Variants in SGO1 observed in about 807,000 individuals in gnomAD.
The protein encoded by SGO1 is serologically defined breast cancer antigen NY-BR-85.
Under a neutral mutation model 50.5 loss-of-function variants are expected in SGO1, and 39 were observed. The ratio of observed to expected loss-of-function variants is 0.77; its 90% CI spans 0.60 to 1.01. The LOEUF is 1.01. SGO1 is among the 50% of genes least tolerant of loss of function. The probability of loss-of-function intolerance (pLI) is 0.00; values close to 1 mark genes in which losing one functional copy is unlikely to be tolerated. For synonymous variants in SGO1, 191 were observed against 205.1 expected (o/e 0.93, Z 0.59); for missense variants, 638 against 606.0 (o/e 1.05, Z -0.55).
rs762927906 is a variant in SGO1 at position 20,174,457 on chromosome 3, T to G, written c.1074A>C (p.Arg358Ser). The G allele has an allele frequency of 3.1e-6, 5 of 1,614,172 alleles. No individual in the cohort carries two copies. Among genetic ancestry groups the G allele is most frequent in the Non-Finnish European group, 4.2e-6 (5 of 1,180,018 alleles). Residue 358 changes from arginine (R) to serine (S), a missense_variant, in exon 6 of 8, where the codon AGA becomes AGC. Arg to Ser is a moderately radical substitution (Grantham distance 110, BLOSUM62 -1). Coordinates refer to ENST00000412997, the MANE Select transcript of SGO1 (RefSeq NM_001199251.3). Reference sequence around the variant, plus strand: ...TCACTTCAGACTCGTTGTTTTCTTCTCTATTAGAGTCATTGCTCACTTTTT... The same window carrying G: ...TCACTTCAGACTCGTTGTTTTCTTCGCTATTAGAGTCATTGCTCACTTTTT... Reference protein sequence around the residue: ...FRQKVSNDSNREENNESEVSL... With the variant: ...FRQKVSNDSNSEENNESEVSL...
chr3:20,184,011 C>T lies in SGO1; in HGVS notation c.17G>A (p.Cys6Tyr). 1 of 1,582,590 alleles carries T rather than the reference C, an allele frequency of 6.3e-7. No individual in the cohort carries two copies. The highest frequency in any genetic ancestry group is 2.3e-5 in the East Asian group (1 of 44,278). ...ACTATCTTGAAAGGACTTTTTCAGG[C>T]ATCTTTCCTTGGCCATCTTTTGCCT... is the stretch of plus-strand genomic sequence containing the variant. MAKER[C>Y]LKKSFQDSLE... The change falls in exon 2 of 8, where the codon TGC becomes TAC. Residue 6 changes from cysteine (C) to tyrosine (Y), a missense_variant. By Grantham distance (194) the Cys-to-Tyr change is radical (BLOSUM62 -2). Transcript: ENST00000412997.
downstream of SGO1, among the ~76,000 whole-genome samples, chr3:20,167,397 TA>T (rs1451492847): frequency 6.6e-6 from 1 of 151,902 alleles, no homozygotes; most frequent in African/African-American, 2.4e-5. Context: ...AAGCAAGGTA[TA>T]AAAAAGGGCA....
Position 20,169,983 on chromosome 3 carries a change from A to G in SGO1, c.*721T>C, listed in dbSNP as rs1700549243. On this transcript the variant is annotated 3_prime_UTR_variant, in exon 8 of 8. Transcript: ENST00000412997. Reference sequence around the variant, plus strand: ...CTCAAATATTGTACTAAAGAGTTTCAAAAGATCCTCTTAGAAAATCATTCA... The same window carrying G: ...CTCAAATATTGTACTAAAGAGTTTCGAAAGATCCTCTTAGAAAATCATTCA... The G allele has an allele frequency of 1.0e-6, 1 of 984,622 alleles. No individual in the cohort carries two copies. The allele number at this position is 984,622 out of a possible 1,614,324, so 61.0% of individuals were successfully genotyped here.
At chr3:20,166,251 G>A (rs1031327754), downstream of SGO1, among the ~76,000 whole-genome samples, 1 of 152,014 alleles carries the variant, frequency 6.6e-6, no homozygotes, top group African/African-American at 2.4e-5. Context: ...TCTGATAAGG[G>A]ACTAATATCT....
At position 20,170,503 on chromosome 3, in the gene SGO1, A is replaced by G; in HGVS notation, c.*201T>C. On this transcript the variant is annotated 3_prime_UTR_variant, in exon 8 of 8. Coordinates refer to ENST00000412997, the MANE Select transcript of SGO1 (RefSeq NM_001199251.3). ...AGCTCAGTTATTTATATTCAAAAGA[A>G]AAAATAAATTAAATTTATTAAAGTT... 2 of 1,156,794 alleles carry G rather than the reference A, an allele frequency of 1.7e-6. No individual in the cohort carries two copies. Among genetic ancestry groups the G allele is most frequent in the Non-Finnish European group, 2.1e-6 (2 of 940,724 alleles). The allele number at this position is 1,156,794 out of a possible 1,614,324, so 71.7% of individuals were successfully genotyped here.
At chr3:20,183,030 A>G (rs1265512211) in intron 3 of SGO1, among the ~76,000 whole-genome samples, 1 of 152,078 alleles carries the variant, frequency 6.6e-6, no homozygotes, top group African/African-American at 2.4e-5. Context: ...AAAAAAAAAA[A>G]TATTTGAGCA....
In SGO1 at chr3:20,174,574, A is replaced by G; in HGVS notation, c.957T>C (p.Thr319=). ...ATTTGTGCATTTTTTTTTGGGGAAC[A>G]GTTTTTTTATTTTCGCTTTTATTCT... The part of the protein sequence containing the change: ...YKENKSENKK[T]VPQKKMHKSV... The change falls in exon 6 of 8, where the codon ACT becomes ACC. Residue 319 remains threonine (T), a synonymous_variant. Coordinates refer to ENST00000412997, the MANE Select transcript of SGO1 (RefSeq NM_001199251.3). 1.2e-6 allele frequency: 2 copies of G among 1,603,736 alleles called. No individual in the cohort carries two copies. Among genetic ancestry groups the G allele is most frequent in the Non-Finnish European group, 1.7e-6 (2 of 1,177,318 alleles).
At chr3:20,164,824 T>C (rs951203854), downstream of SGO1, among the ~76,000 whole-genome samples, 2 of 152,094 alleles carry the variant, frequency 1.3e-5, no homozygotes, top group African/African-American at 4.8e-5. Flanking sequence ...GAATATGAAA[T>C]GCTAAGGGAC....
downstream of SGO1, among the ~76,000 whole-genome samples, chr3:20,167,328 A>G (rs1282650159): frequency 2.0e-5 from 3 of 152,230 alleles, no homozygotes; most frequent in East Asian, 5.8e-4. Flanking sequence ...CAAAATCTTA[A>G]GGAAGAAGGT....
intron 3 of SGO1, among the ~76,000 whole-genome samples, chr3:20,182,354 C>T (rs1321663338): frequency 6.6e-6 from 1 of 151,176 alleles, no homozygotes; most frequent in East Asian, 2.0e-4. Context: ...CCATATCCCT[C>T]CCCTAATCAC....
chr3:20,176,719 T>C, intron 4 of SGO1, 60 bp from the exon 5 acceptor site: 4 of 1,126,242 alleles, frequency 3.6e-6, no homozygotes, highest in East Asian at 2.5e-5. Context: ...ACAAATTCAG[T>C]ATTTTCCTAA....
rs745880487 is a variant in SGO1, at chr3:20,174,685, A to G, written c.846T>C (p.Ser282=). ...ILESKSEQTK[S]KQRDTQERKR... Reference sequence around the variant, plus strand: ...TTCTTTCTTGTGTATCTCTTTGCTTACTTTTAGTTTGTTCAGATTTAGATT... The same window carrying G: ...TTCTTTCTTGTGTATCTCTTTGCTTGCTTTTAGTTTGTTCAGATTTAGATT... The change falls in exon 6 of 8, where the codon AGT becomes AGC. Residue 282 remains serine, a synonymous_variant. Coordinates refer to ENST00000412997, the MANE Select transcript of SGO1 (RefSeq NM_001199251.3). 4 of 1,610,432 alleles carry G rather than the reference A, an allele frequency of 2.5e-6. No homozygotes were observed. The highest frequency in any genetic ancestry group is 3.4e-6 in the Non-Finnish European group (4 of 1,178,994).
chr3:20,168,531 T>G (rs1346777429), downstream of SGO1, among the ~76,000 whole-genome samples: 1 of 152,094 alleles, frequency 6.6e-6, no homozygotes, highest in Non-Finnish European at 1.5e-5. Flanking sequence ...AGTCCAACTG[T>G]ACTTTCTGTG....
In SGO1 at chr3:20,170,665, G is replaced by C; in HGVS notation, c.*39C>G. ...AGATCCTCTCCTGAAGCAACAGAAA[G>C]AGGTGTAGATTGAATTTAAACAATA... On this transcript the variant is annotated 3_prime_UTR_variant, in exon 8 of 8. Transcript: ENST00000412997. The C allele has an allele frequency of 6.6e-7, 1 of 1,524,940 alleles. No homozygotes were observed. Among genetic ancestry groups the C allele is most frequent in the South Asian group, 1.3e-5 (1 of 77,762 alleles). 94.5% of individuals were successfully genotyped at this position (1,524,940 alleles called of 1,614,324 possible). A position where few individuals can be genotyped will look rare whatever the true frequency, so the allele number is the denominator to read the frequency against.
intron 8 of SGO1, among the ~76,000 whole-genome samples, chr3:20,162,740 C>A: frequency 6.8e-6 from 1 of 147,588 alleles, no homozygotes; most frequent in Non-Finnish European, 1.5e-5. Context: ...AACATGAACA[C>A]AATAAAGAGA....
chr3:20,180,979 T>C (rs992721753), intron 3 of SGO1, among the ~76,000 whole-genome samples: 7 of 152,000 alleles, frequency 4.6e-5, no homozygotes, highest in African/African-American at 1.7e-4. Context: ...ACAAAAAAAT[T>C]AGACAGGTGT....
At chr3:20,172,937 G>C (rs1220245163) in intron 6 of SGO1, among the ~76,000 whole-genome samples, 1 of 152,058 alleles carries the variant, frequency 6.6e-6, no homozygotes, top group African/African-American at 2.4e-5. Context: ...CTGCCCTCCA[G>C]CCGAGGTGAT....
intron 6 of SGO1, 71 bp from the exon 7 acceptor site, chr3:20,171,303 TG>T: frequency 7.8e-7 from 1 of 1,279,642 alleles, no homozygotes; most frequent in Non-Finnish European, 1.1e-6. Context: ...TGTACTCAAT[TG>T]TATATATCTT....
Position 20,174,500 on chromosome 3 carries a change from T to C in SGO1, c.1031A>G (p.His344Arg), listed in dbSNP as rs1325138386. 6.2e-7 allele frequency: 1 copy of C among 1,614,066 alleles called. No individual in the cohort carries two copies. The highest frequency in any genetic ancestry group is 8.5e-7 in the Non-Finnish European group (1 of 1,180,038). The change falls in exon 6 of 8, where the codon CAT becomes CGT. Residue 344 changes from histidine (H) to arginine (R), a missense_variant. Transcript: ENST00000412997. ...CACTTTTTGTCGGAAAGGAGTAAGA[T>C]GAACACCCTCTTCCAAATTAAAATT... ...AYNFNLEEGV[H>R]LTPFRQKVSN...
Sources: gnomAD v4.1 joint callset for allele counts (sites outside exome capture counted in the v4.1 genomes callset) on GRCh38, gnomAD v4.1.1 for gene constraint, MANE v1.5 for transcripts, NCBI Gene and HGNC (gene_info 2026-07-23, HGNC 2026-07-21) for gene names.